The following SLC8A1 variants were observed in gnomAD, a reference collection of about 807,000 sequenced individuals.
SLC8A1 encodes solute carrier family 8 member A1.
In SLC8A1, 18 loss-of-function variants were observed where a neutral mutation model predicts 68.3. That is an observed-to-expected ratio of 0.26 (90% CI 0.18 to 0.39). The LOEUF is 0.39. Ranked by LOEUF, SLC8A1 falls within the 10% of genes least tolerant of loss-of-function variation. The pLI, the probability that SLC8A1 is intolerant of heterozygous loss-of-function variation, is 1.00. For synonymous variants in SLC8A1, 475 were observed against 415.5 expected, an observed-to-expected ratio of 1.14 and a Z score of -1.74; for missense variants, 985 against 1,156.7, an observed-to-expected ratio of 0.85 and a Z score of 2.15.
At chr2:40,401,567 CAAAAAAAAAAAAA>C (rs3060361) in intron 2 of SLC8A1, among the ~76,000 whole-genome samples, 2 of 94,094 alleles carry the variant, frequency 2.1e-5, no homozygotes, top group African/African-American at 4.1e-5. Flanking sequence ...ATAGGCCAGT[CAAAAAAAAAAAAA>C]AAAAAAAAAA....
chr2:40,364,365 T>C (rs959204320), intron 2 of SLC8A1, among the ~76,000 whole-genome samples: 19 of 151,738 alleles, frequency 1.3e-4, no homozygotes, highest in South Asian at 4.2e-4. Context: ...TGTGTGTTTG[T>C]GTGTGTGTGT....
intron 2 of SLC8A1, among the ~76,000 whole-genome samples, chr2:40,354,583 T>C (rs1226412948): frequency 6.6e-6 from 1 of 152,170 alleles, no homozygotes; most frequent in African/African-American, 2.4e-5. Context: ...TGAAGGTGAC[T>C]CTACAGAGCA....
intron 2 of SLC8A1, among the ~76,000 whole-genome samples, chr2:40,282,599 T>A (rs1014273490): frequency 1.6e-4 from 25 of 152,234 alleles, no homozygotes; most frequent in African/African-American, 5.1e-4. Context: ...CTAAGTGAGA[T>A]GCATCAGTTT....
chr2:40,314,697 C>T (rs1028334179), intron 2 of SLC8A1, among the ~76,000 whole-genome samples: 3 of 151,972 alleles, frequency 2.0e-5, no homozygotes, highest in African/African-American at 7.2e-5. Context: ...TTTTAATTTT[C>T]AGTGTACAAG....
intron 2 of SLC8A1, among the ~76,000 whole-genome samples, chr2:40,287,092 C>A (rs1408925184): frequency 2.0e-5 from 3 of 152,086 alleles, no homozygotes; most frequent in Non-Finnish European, 4.4e-5. Flanking sequence ...ACTCAGTAAG[C>A]AATGTTACAC....
intron 1 of SLC8A1, among the ~76,000 whole-genome samples, chr2:40,475,733 CTT>C (rs1704261559): frequency 6.6e-6 from 1 of 151,876 alleles, no homozygotes; most frequent in African/African-American, 2.4e-5. Context: ...AAATAAAGCT[CTT>C]TAGTTGCTGA....
At chr2:40,462,171 T>G (rs1159613523) in intron 1 of SLC8A1, among the ~76,000 whole-genome samples, 2 of 151,680 alleles carry the variant, frequency 1.3e-5, no homozygotes, top group Admixed American at 6.6e-5. Context: ...CACACCTGGC[T>G]AATTTTTGTA....
intron 2 of SLC8A1, among the ~76,000 whole-genome samples, chr2:40,409,182 A>G (rs973323927): frequency 1.3e-5 from 2 of 152,172 alleles, no homozygotes; most frequent in African/African-American, 4.8e-5. Flanking sequence ...TCACATCGGT[A>G]CAGCTTCTGG....
At chr2:40,363,367 T>C (rs1179782424) in intron 2 of SLC8A1, among the ~76,000 whole-genome samples, 1 of 150,928 alleles carries the variant, frequency 6.6e-6, no homozygotes, top group Non-Finnish European at 1.5e-5. Context: ...ATGATAGCAC[T>C]AACATTTACT....
At chr2:40,173,218 A>G (rs2047856292) in intron 4 of SLC8A1, among the ~76,000 whole-genome samples, 2 of 152,174 alleles carry the variant, frequency 1.3e-5, no homozygotes. Flanking sequence ...TCCTTGGGTG[A>G]TAGAATTAGA....
chr2:40,145,004 G>A (rs183045759), intron 6 of SLC8A1, among the ~76,000 whole-genome samples: 4 of 152,098 alleles, frequency 2.6e-5, no homozygotes, highest in East Asian at 1.9e-4. Context: ...TGGCCCATTC[G>A]ATCTCTAAAC....
chr2:40,107,488 G>A (rs1446805226), exon 8 of SLC8A1: 1 of 151,390 alleles, frequency 6.6e-6, no homozygotes, highest in Non-Finnish European at 1.5e-5. Context: ...AACTCTAATT[G>A]GCCCTAAAGA....
intron 7 of SLC8A1, among the ~76,000 whole-genome samples, chr2:40,125,881 TAAC>T (rs112736262): frequency 1.1e-3 from 169 of 152,368 alleles, no homozygotes; most frequent in African/African-American, 3.7e-3. Flanking sequence ...TGTGGATACT[TAAC>T]AAACAGCTTT....
chr2:40,272,399 C>T (rs1411836108), intron 2 of SLC8A1, among the ~76,000 whole-genome samples: 1 of 152,212 alleles, frequency 6.6e-6, no homozygotes, highest in Non-Finnish European at 1.5e-5. Context: ...ACTACTCTCT[C>T]CCTCCTACCC....
At position 40,196,716 on chromosome 2, in the gene SLC8A1, C is replaced by G. The variant is rs1409760010; in HGVS notation, c.1809-18861G>C. 3.9e-5 allele frequency among the ~76,000 whole-genome samples: 6 copies of G among 151,946 alleles called. No individual in the cohort carries two copies. The South Asian group carries it at 1.2e-3, about 31-fold the overall frequency. On this transcript the variant is annotated intron_variant, in intron 2 of 7. Coordinates refer to ENST00000406785, the Ensembl canonical transcript of SLC8A1. ...ATCATTAAGGGCCTTAAAAAATAAC[C>G]CTTTTCTTTCATTATCTGTCTCACT... is the stretch of plus-strand genomic sequence containing the variant.
chr2:40,117,952 G>A (rs2035850840), intron 7 of SLC8A1, among the ~76,000 whole-genome samples: 1 of 152,180 alleles, frequency 6.6e-6, no homozygotes, highest in South Asian at 2.1e-4. Flanking sequence ...CATTCTTCCT[G>A]AAAGGGAGTT....
At chr2:40,449,154 AAAAAAACAAAAAAC>A (rs532063141) in intron 1 of SLC8A1, among the ~76,000 whole-genome samples, 1 of 146,342 alleles carries the variant, frequency 6.8e-6, no homozygotes, top group South Asian at 2.2e-4. Context: ...ACATTAAAAA[AAAAAAACAAAAAAC>A]AAAAAACAAC....
intron 7 of SLC8A1, among the ~76,000 whole-genome samples, chr2:40,122,290 T>C (rs1326702867): frequency 6.6e-6 from 1 of 151,904 alleles, no homozygotes; most frequent in Non-Finnish European, 1.5e-5. Flanking sequence ...TCATTTGGCT[T>C]CCAAGTGAAG....
chr2:40,108,256 TAACTC>T (rs1031883613), exon 8 of SLC8A1: 2 of 151,704 alleles, frequency 1.3e-5, no homozygotes, highest in African/African-American at 4.8e-5. Flanking sequence ...ATTCTACAAA[TAACTC>T]AATAATTTGG....
Sources: allele counts gnomAD v4.1 joint callset (sites outside exome capture counted in the v4.1 genomes callset), GRCh38; gene constraint gnomAD v4.1.1; transcripts MANE v1.5; gene names NCBI Gene and HGNC (gene_info 2026-07-23, HGNC 2026-07-21).